BST1: variants seen among roughly 807,000 people sequenced by gnomAD.
BST1 encodes bone marrow stromal cell antigen 1, also known as ADP-ribosyl cyclase/cyclic ADP-ribose hydrolase 2.
In BST1, 49 loss-of-function variants were observed where a neutral mutation model predicts 40.6. The observed-to-expected ratio is 1.21, with a 90% CI of 0.96 to 1.53. The LOEUF (loss-of-function observed/expected upper bound fraction) is 1.53, where lower values mean the gene tolerates loss of function less well. Among genes scored for constraint, BST1 ranks in the 40% most tolerant of loss-of-function variants. The probability of loss-of-function intolerance (pLI) is 0.00; values close to 1 mark genes in which losing one functional copy is unlikely to be tolerated. For synonymous variants in BST1, 157 were observed against 159.3 expected (o/e 0.99, Z 0.11); for missense variants, 423 against 395.9 (o/e 1.07, Z -0.58).
the BST1 span, among the ~76,000 whole-genome samples, chr4:15,749,756 A>T: frequency 6.6e-6 from 1 of 152,204 alleles, no homozygotes; most frequent in African/African-American, 2.4e-5. Flanking sequence ...TGAAACAGGC[A>T]TGCAATGTGA....
chr4:15,756,582 T>C, the BST1 span, among the ~76,000 whole-genome samples: 13 of 152,220 alleles, frequency 8.5e-5, no homozygotes, highest in Non-Finnish European at 1.6e-4. Context: ...ATAGGACGTG[T>C]TGCATATAAC....
the BST1 span, among the ~76,000 whole-genome samples, chr4:15,766,242 C>A: frequency 6.6e-6 from 1 of 152,054 alleles, no homozygotes; most frequent in African/African-American, 2.4e-5. Context: ...AGCTTGTAAT[C>A]CAGACATGAA....
chr4:15,762,560 G>A, the BST1 span, among the ~76,000 whole-genome samples: 4 of 152,076 alleles, frequency 2.6e-5, no homozygotes, highest in Admixed American at 1.3e-4. Context: ...ACTTATAACT[G>A]AAAGTTTGTA....
At chr4:15,735,413 A>C (rs1721520254), downstream of BST1, among the ~76,000 whole-genome samples, 1 of 152,142 alleles carries the variant, frequency 6.6e-6, no homozygotes, top group African/African-American at 2.4e-5. Context: ...AATAGAGGAA[A>C]ACAGAGGGTG....
chr4:15,755,094 G>A, the BST1 span, among the ~76,000 whole-genome samples: 11 of 152,064 alleles, frequency 7.2e-5, no homozygotes, highest in East Asian at 3.9e-4. Context: ...AACCCACCCC[G>A]TTAGGAACAT....
chr4:15,718,621 A>G (rs1001803865), intron 6 of BST1, among the ~76,000 whole-genome samples: 3 of 152,228 alleles, frequency 2.0e-5, no homozygotes, highest in Non-Finnish European at 2.9e-5. Flanking sequence ...GTCTGGGGAC[A>G]GACTGCACAG....
At chr4:15,752,392 CT>C in the BST1 span, among the ~76,000 whole-genome samples, 279 of 142,898 alleles carry the variant, frequency 2.0e-3, no homozygotes, top group African/African-American at 1.6e-3. Flanking sequence ...TCAAGCTATT[CT>C]TTTTTTTTTT....
intron 8 of BST1, among the ~76,000 whole-genome samples, chr4:15,730,707 C>A (rs966603342): frequency 2.0e-5 from 3 of 152,112 alleles, no homozygotes; most frequent in South Asian, 2.1e-4. Context: ...ATTTCAATGA[C>A]GTGTGTGCTC....
chr4:15,707,655 C>T lies in BST1; in HGVS notation c.451+9C>T, dbSNP rs538842853. On this transcript the variant is annotated intron_variant, in intron 3 of 8. Coordinates refer to ENST00000265016, the MANE Select transcript of BST1 (RefSeq NM_004334.3). Reference sequence around the variant, plus strand: ...ACAGAAAAATGACTCTGGTAAGACTCCTGCACAAATCACAGGAGACTTAAG... The same window carrying T: ...ACAGAAAAATGACTCTGGTAAGACTTCTGCACAAATCACAGGAGACTTAAG... The T allele has an allele frequency of 1.2e-6, 2 of 1,613,608 alleles. No individual in the cohort carries two copies. Among genetic ancestry groups the T allele is most frequent in the South Asian group, 2.2e-5 (2 of 91,046 alleles).
At chr4:15,706,724 CT>C (rs1456755840) in intron 2 of BST1, among the ~76,000 whole-genome samples, 1 of 152,162 alleles carries the variant, frequency 6.6e-6, no homozygotes, top group Non-Finnish European at 1.5e-5. Flanking sequence ...TATATGCTGT[CT>C]TTTGAACCTT....
chr4:15,707,415 A>C, intron 2 of BST1, 96 bp from the exon 3 acceptor site: 1 of 1,440,346 alleles, frequency 6.9e-7, no homozygotes, highest in Non-Finnish European at 9.7e-7. Flanking sequence ...GAGTTGAATG[A>C]GAACTGGATT....
At chr4:15,742,112 C>T (rs1389503279), downstream of BST1, among the ~76,000 whole-genome samples, 2 of 152,212 alleles carry the variant, frequency 1.3e-5, no homozygotes, top group Non-Finnish European at 2.9e-5. Flanking sequence ...TCTTCTCTTG[C>T]TCATCAAGGA....
the BST1 span, among the ~76,000 whole-genome samples, chr4:15,759,121 C>G: frequency 6.6e-6 from 1 of 152,088 alleles, no homozygotes; most frequent in East Asian, 1.9e-4. Flanking sequence ...ATATCAAAAA[C>G]TATCTCCTGG....
At chr4:15,707,133 C>T (rs1560276872) in intron 2 of BST1, among the ~76,000 whole-genome samples, 1 of 152,166 alleles carries the variant, frequency 6.6e-6, no homozygotes, top group Non-Finnish European at 1.5e-5. Context: ...CTGCATTTTC[C>T]AGAAGTAGAA....
At chr4:15,721,668 AG>A (rs1389808625) in intron 7 of BST1, among the ~76,000 whole-genome samples, 1 of 68,688 alleles carries the variant, frequency 1.5e-5, no homozygotes, top group Non-Finnish European at 2.9e-5. Context: ...GGGTAGGGGG[AG>A]GGGGGAGGGA....
At chr4:15,707,264 G>T (rs79233064) in intron 2 of BST1, among the ~76,000 whole-genome samples, 1 of 152,148 alleles carries the variant, frequency 6.6e-6, no homozygotes, top group Non-Finnish European at 1.5e-5. Context: ...CCACATGCAC[G>T]TATATTTAGT....
intron 8 of BST1, among the ~76,000 whole-genome samples, chr4:15,726,733 T>C (rs538424634): frequency 1.3e-5 from 2 of 152,286 alleles, no homozygotes; most frequent in South Asian, 4.1e-4. Context: ...TTCCTTGTTG[T>C]AAAACCCACT....
At chr4:15,745,198 G>A in the BST1 span, among the ~76,000 whole-genome samples, 3 of 151,962 alleles carry the variant, frequency 2.0e-5, no homozygotes, top group African/African-American at 7.3e-5. Context: ...ATAAATCAAG[G>A]TGTCACATTA....
At chr4:15,755,296 G>A in the BST1 span, among the ~76,000 whole-genome samples, 20 of 151,928 alleles carry the variant, frequency 1.3e-4, no homozygotes, top group African/African-American at 2.7e-4. Context: ...GCACCACCAC[G>A]CCTGGCTAAT....
Sources: allele counts gnomAD v4.1 joint callset (sites outside exome capture counted in the v4.1 genomes callset), GRCh38; gene constraint gnomAD v4.1.1; transcripts MANE v1.5; gene names NCBI Gene and HGNC (gene_info 2026-07-23, HGNC 2026-07-21).